PSMC2: variants seen among roughly 807,000 people sequenced by gnomAD.
PSMC2 encodes proteasome 26S subunit, ATPase 2, also known as 26S proteasome regulatory subunit 7.
PSMC2 carries 7 observed loss-of-function variants against 53.3 expected under a neutral mutation model. The ratio of observed to expected loss-of-function variants is 0.13; its 90% CI spans 0.07 to 0.25. PSMC2 has a LOEUF of 0.25. Ranked by LOEUF, PSMC2 falls within the 10% of genes least tolerant of loss-of-function variation. The pLI, the probability that PSMC2 is intolerant of heterozygous loss-of-function variation, is 1.00. For synonymous variants in PSMC2, 169 were observed against 183.9 expected (o/e 0.92, Z 0.66); for missense variants, 241 against 544.0 (o/e 0.44, Z 5.54).
At chr7:103,351,281 C>T (rs1457547598) in intron 1 of PSMC2, among the ~76,000 whole-genome samples, 2 of 152,128 alleles carry the variant, frequency 1.3e-5, no homozygotes, top group African/African-American at 4.8e-5. Flanking sequence ...TGAAAGGATA[C>T]AAAGCAAAAT....
intron 1 of PSMC2, among the ~76,000 whole-genome samples, chr7:103,350,381 A>G (rs936737479): frequency 5.9e-5 from 9 of 152,354 alleles, no homozygotes; most frequent in African/African-American, 1.7e-4. Flanking sequence ...TCACAGGTTT[A>G]TATAGAATTA....
chr7:103,351,115 C>G (rs1819723847), intron 1 of PSMC2, among the ~76,000 whole-genome samples: 5 of 152,108 alleles, frequency 3.3e-5, no homozygotes. Context: ...AGCATCTGAC[C>G]TCTAGAGCCA....
chr7:103,355,583 T>A (rs1222496465), intron 3 of PSMC2, 111 bp from the exon 4 acceptor site: 7 of 775,594 alleles, frequency 9.0e-6, no homozygotes. Flanking sequence ...CACATGATAG[T>A]CCTCACAATG....
chr7:103,366,025 TTAAAA>T, intron 8 of PSMC2, 46 bp from the exon 9 acceptor site: 1 of 1,429,564 alleles, frequency 7.0e-7, no homozygotes, highest in East Asian at 2.3e-5. Flanking sequence ...TTTACTTATT[TTAAAA>T]TATTTTGAAA....
At position 103,356,550 on chromosome 7, in the gene PSMC2, A is replaced by T. The variant is rs915679431; in HGVS notation, c.290+757A>T. 3.3e-5 allele frequency among the ~76,000 whole-genome samples: 5 copies of T among 152,302 alleles called. No individual in the cohort carries two copies. The Middle Eastern group carries it at 0.01, about 311-fold the overall frequency. On this transcript the variant is annotated intron_variant, in intron 4 of 11. Transcript: ENST00000292644. ...TGCCATTTGAGGGAAAATAATTTTA[A>T]TTTGTACTGTGTTGATTACTAGTAT...
intron 4 of PSMC2, among the ~76,000 whole-genome samples, chr7:103,356,606 T>C (rs1820048239): frequency 6.6e-6 from 1 of 152,222 alleles, no homozygotes; most frequent in Non-Finnish European, 1.5e-5. Context: ...ACTAAACATC[T>C]GTATTTCTTT....
In PSMC2 at chr7:103,361,411, G is replaced by A. The variant is rs569774156; in HGVS notation, c.291-546G>A. ...TGTAATCCCAGCTACTCGGGAGGCT[G>A]AGGCAGGAGAATTGCATGAACCCAA... On this transcript the variant is annotated intron_variant, in intron 4 of 11. Transcript: ENST00000292644. 2.0e-5 allele frequency among the ~76,000 whole-genome samples: 3 copies of A among 148,832 alleles called. No individual in the cohort carries two copies. The Admixed American group carries it at 2.0e-4, about 10-fold the overall frequency.
At chr7:103,353,046 T>C (rs1819814216) in intron 1 of PSMC2, 1 of 766,090 alleles carries the variant, frequency 1.3e-6, no homozygotes, top group Non-Finnish European at 2.4e-6. Context: ...ACAAATAAAT[T>C]TGAGCAGCTA....
intron 4 of PSMC2, among the ~76,000 whole-genome samples, chr7:103,358,549 T>C (rs1487206117): frequency 6.6e-6 from 1 of 152,138 alleles, no homozygotes; most frequent in Non-Finnish European, 1.5e-5. Flanking sequence ...TCTTTATCTT[T>C]GAATTTTTCT....
chr7:103,361,909 A>C (rs773502466), intron 4 of PSMC2, 48 bp from the exon 5 acceptor site: 27 of 1,551,828 alleles, frequency 1.7e-5, no homozygotes, highest in Non-Finnish European at 2.3e-5. Flanking sequence ...TGAATTCATT[A>C]TTAGTGGCTT....
At chr7:103,354,005 TAAA>T in intron 2 of PSMC2, 47 bp downstream of exon 2, 1 of 1,433,634 alleles carries the variant, frequency 7.0e-7, no homozygotes. Flanking sequence ...TATGTTGAAA[TAAA>T]AACTGTTTTG....
At chr7:103,349,594 AC>A (rs35276868) in intron 1 of PSMC2, among the ~76,000 whole-genome samples, 1 of 151,184 alleles carries the variant, frequency 6.6e-6, no homozygotes, top group Non-Finnish European at 1.5e-5. Context: ...GATTACAGGC[AC>A]CCCCCCACCA....
intron 8 of PSMC2, among the ~76,000 whole-genome samples, chr7:103,365,364 G>C (rs1410105422): frequency 6.6e-6 from 1 of 152,160 alleles, no homozygotes; most frequent in Non-Finnish European, 1.5e-5. Context: ...AGGCACGGTG[G>C]CTCATGCCTG....
chr7:103,364,981 A>ATATATATATATATATATATATTTATT (rs950613120), intron 8 of PSMC2, among the ~76,000 whole-genome samples: 6 of 140,792 alleles, frequency 4.3e-5, no homozygotes, highest in African/African-American at 1.6e-4. Flanking sequence ...ATATATATAT[A>ATATATATATATATATATATATTTATT]TATTTAGAGA....
At chr7:103,349,730 G>A (rs1447148022) in intron 1 of PSMC2, among the ~76,000 whole-genome samples, 4 of 152,152 alleles carry the variant, frequency 2.6e-5, no homozygotes, top group African/African-American at 4.8e-5. Context: ...GATTACAGGC[G>A]TGAGCCACCG....
chr7:103,353,870 T>G, intron 1 of PSMC2, 51 bp from the exon 2 acceptor site: 1 of 1,512,490 alleles, frequency 6.6e-7, no homozygotes, highest in South Asian at 1.2e-5. Context: ...TTTTTAAAAA[T>G]TTTAATTCTA....
intron 8 of PSMC2, among the ~76,000 whole-genome samples, chr7:103,365,117 C>T (rs958289761): frequency 6.6e-6 from 1 of 151,692 alleles, no homozygotes; most frequent in Non-Finnish European, 1.5e-5. Context: ...ACTTGCAAGT[C>T]AAATTCAATG....
Position 103,367,220 on chromosome 7 carries a change from C to G in PSMC2, c.845-193C>G. ...ACGTTAAGTAAATCTGTGATGAATACTTTTGAAAGCAAAGATTCACTTTCT... is the reference window on the plus strand; with the variant it reads ...ACGTTAAGTAAATCTGTGATGAATAGTTTTGAAAGCAAAGATTCACTTTCT... On this transcript the variant is annotated intron_variant, in intron 9 of 11. Coordinates refer to ENST00000292644, the MANE Select transcript of PSMC2 (RefSeq NM_002803.4). This position sits in a 1 kb window ranked among gnomAD's most constrained non-coding sequence, Gnocchi z 6.1. Among the ~76,000 whole-genome samples the G allele has an allele frequency of 6.6e-6, 1 of 151,026 alleles. No homozygotes were observed. Among genetic ancestry groups the G allele is most frequent in the South Asian group, 2.1e-4 (1 of 4,826 alleles).
rs1469929849 is a variant in PSMC2 at position 103,368,987 on chromosome 7, A to AC, written c.*937dup. 1 of 152,180 alleles carries AC rather than the reference A, an allele frequency of 6.6e-6. No homozygotes were observed. Among genetic ancestry groups the AC allele is most frequent in the East Asian group, 1.9e-4 (1 of 5,192 alleles). The allele number at this position is 152,180 out of a possible 1,614,324, so 9.4% of individuals were successfully genotyped here. ...CCAAATCCTATCTTCTACCACAATT[A>AC]CCCCTTCCCCCAATGCCAAGACCAA... is the stretch of plus-strand genomic sequence containing the variant. On this transcript the variant is annotated 3_prime_UTR_variant, in exon 12 of 12. Transcript: ENST00000292644.
Sources: gnomAD v4.1 joint callset for allele counts (sites outside exome capture counted in the v4.1 genomes callset) on GRCh38, gnomAD v4.1.1 for gene constraint, Gnocchi (gnomAD v3.1) non-coding constraint, MANE v1.5 for transcripts, NCBI Gene and HGNC (gene_info 2026-07-23, HGNC 2026-07-21) for gene names.